PTPRM: variants seen among roughly 807,000 people sequenced by gnomAD.
PTPRM encodes the protein receptor-type tyrosine-protein phosphatase mu.
PTPRM carries 47 observed loss-of-function variants against 186.7 expected under a neutral mutation model. The ratio of observed to expected loss-of-function variants is 0.25; its 90% CI spans 0.20 to 0.32. The LOEUF is 0.32. PTPRM is among the 10% of genes least tolerant of loss of function. The pLI, the probability that PTPRM is intolerant of heterozygous loss-of-function variation, is 1.00. For missense variants in PTPRM, 1,494 were observed against 1,865.0 expected (o/e 0.80, Z 3.66); for synonymous variants, 668 against 674.9 (o/e 0.99, Z 0.16).
Position 7,672,639 on chromosome 18 carries a change from AG to A in PTPRM, c.74-101507del, listed in dbSNP as rs374104041. Among the ~76,000 whole-genome samples the A allele has an allele frequency of 5.3e-5, 8 of 152,330 alleles. No homozygotes were observed. In the East Asian group the frequency reaches 1.5e-3, roughly 29 times the overall value. The stretch of plus-strand genomic sequence containing the variant: ...CTTACATAGTCCTCTAATTTGAGGC[AG>A]GGTATAGTTTTCTCAAGGAGTCAGG... On this transcript the variant is annotated intron_variant, in intron 1 of 32. Coordinates refer to ENST00000580170, the MANE Select transcript of PTPRM (RefSeq NM_001105244.2).
chr18:8,113,159 C>T (rs1018043691), intron 11 of PTPRM, among the ~76,000 whole-genome samples: 1 of 152,096 alleles, frequency 6.6e-6, no homozygotes, highest in Non-Finnish European at 1.5e-5. Flanking sequence ...GTAAAATCAT[C>T]GTCAGTTACA....
intron 1 of PTPRM, among the ~76,000 whole-genome samples, chr18:7,579,861 C>A (rs1265945763): frequency 6.6e-6 from 1 of 152,166 alleles, no homozygotes; most frequent in East Asian, 1.9e-4. Context: ...GTCTTAGGTG[C>A]CCCATAAGGA....
intron 7 of PTPRM, among the ~76,000 whole-genome samples, chr18:8,009,531 G>C (rs139713808): frequency 2.6e-5 from 4 of 152,036 alleles, no homozygotes; most frequent in African/African-American, 7.2e-5. Context: ...AATGTGGTGA[G>C]ACCCCGTCTC....
chr18:7,685,042 T>C (rs565837718), intron 1 of PTPRM, among the ~76,000 whole-genome samples: 3 of 152,294 alleles, frequency 2.0e-5, no homozygotes, highest in African/African-American at 7.2e-5. Flanking sequence ...GGCAAAATCA[T>C]GTTATGATCA....
At chr18:8,022,097 G>A (rs1352161861) in intron 7 of PTPRM, among the ~76,000 whole-genome samples, 1 of 152,128 alleles carries the variant, frequency 6.6e-6, no homozygotes, top group Non-Finnish European at 1.5e-5. Flanking sequence ...ACTGGTCTAG[G>A]ACTTGGAAGC....
intron 2 of PTPRM, among the ~76,000 whole-genome samples, chr18:7,882,866 T>C (rs1224655481): frequency 3.9e-5 from 6 of 152,200 alleles, no homozygotes; most frequent in Admixed American, 1.3e-4. Flanking sequence ...TGTGCAGTTA[T>C]TACTGCTGTC....
intron 2 of PTPRM, among the ~76,000 whole-genome samples, chr18:7,782,485 A>G (rs897739058): frequency 6.6e-6 from 1 of 152,230 alleles, no homozygotes; most frequent in Non-Finnish European, 1.5e-5. Context: ...TGTACAGTTC[A>G]GTGCATTATA....
At chr18:7,680,755 A>G (rs1267319744) in intron 1 of PTPRM, among the ~76,000 whole-genome samples, 1 of 152,196 alleles carries the variant, frequency 6.6e-6, no homozygotes, top group Admixed American at 6.5e-5. Flanking sequence ...TGGTGAAAGT[A>G]CTTTATGAAC....
At chr18:8,272,291 TA>T (rs1555834337) in intron 19 of PTPRM, among the ~76,000 whole-genome samples, 2 of 151,994 alleles carry the variant, frequency 1.3e-5, no homozygotes, top group Non-Finnish European at 2.9e-5. Context: ...TTACATTTTT[TA>T]AAAATTTCTT....
chr18:8,290,662 G>A (rs56406325), intron 19 of PTPRM, among the ~76,000 whole-genome samples: 8,946 of 152,180 alleles, frequency 0.059, 353 homozygotes, highest in African/African-American at 0.11. Context: ...GAAGTCATTG[G>A]TATTCACTGG....
intron 22 of PTPRM, among the ~76,000 whole-genome samples, chr18:8,329,485 T>C (rs2095399370): frequency 6.6e-6 from 1 of 152,200 alleles, no homozygotes; most frequent in Non-Finnish European, 1.5e-5. Flanking sequence ...AGGTTACATC[T>C]TTCTCTCAGG....
intron 7 of PTPRM, among the ~76,000 whole-genome samples, chr18:8,055,631 TTTC>T (rs551379826): frequency 2.3e-3 from 348 of 151,624 alleles, no homozygotes; most frequent in Non-Finnish European, 4.0e-3. Flanking sequence ...GAATCTGTTG[TTTC>T]TTATCTCTTT....
intron 14 of PTPRM, among the ~76,000 whole-genome samples, chr18:8,188,347 A>T (rs1450671706): frequency 6.6e-6 from 1 of 152,272 alleles, no homozygotes; most frequent in Non-Finnish European, 1.5e-5. Context: ...ATTTTGCTGC[A>T]TTCTGCAGTA....
chr18:8,376,293 G>C, intron 25 of PTPRM, 93 bp downstream of exon 25: 2 of 1,545,996 alleles, frequency 1.3e-6, no homozygotes, highest in Non-Finnish European at 8.8e-7. Flanking sequence ...TAGAACTTCA[G>C]AGGGGTGATG....
chr18:8,184,116 CAGA>C (rs147678916), intron 14 of PTPRM, among the ~76,000 whole-genome samples: 4,940 of 152,280 alleles, frequency 0.032, 243 homozygotes, highest in African/African-American at 0.11. Context: ...CCACCCTAAC[CAGA>C]AGATCTTCTG....
rs1447934318 is a variant in PTPRM at position 7,568,503 on chromosome 18, C to G, written c.73+612C>G. ...GGAGAGGCTGGGGGGAGTTCCTCGCCGGTCCCAGCGGTAGGGCTTGGCGGC... is the reference window on the plus strand; with the variant it reads ...GGAGAGGCTGGGGGGAGTTCCTCGCGGGTCCCAGCGGTAGGGCTTGGCGGC... On this transcript the variant is annotated intron_variant, in intron 1 of 32. Transcript: ENST00000580170. This position sits in a 1 kb window ranked among gnomAD's most constrained non-coding sequence, Gnocchi z 5.1. Among the ~76,000 whole-genome samples the G allele has an allele frequency of 1.3e-5, 2 of 152,074 alleles. No homozygotes were observed. Among genetic ancestry groups the G allele is most frequent in the African/African-American group, 4.8e-5 (2 of 41,450 alleles).
chr18:8,117,377 A>G lies in PTPRM; in HGVS notation c.2167+2550A>G, dbSNP rs149910756. ...ACATTTTGAATGTACAAAGATTTCA[A>G]TGTTCTCCTGAAACAACTGTTGACA... On this transcript the variant is annotated intron_variant, in intron 13 of 32. Transcript: ENST00000580170. 4.8e-4 allele frequency among the ~76,000 whole-genome samples: 73 copies of G among 152,324 alleles called. No individual in the cohort carries two copies. The East Asian group carries it at 0.012, about 25-fold the overall frequency.
intron 19 of PTPRM, among the ~76,000 whole-genome samples, chr18:8,271,863 T>G (rs2094775515): frequency 6.6e-6 from 1 of 152,238 alleles, no homozygotes; most frequent in African/African-American, 2.4e-5. Flanking sequence ...TGCCTTCTTT[T>G]TTCCTTTAGC....
chr18:7,748,120 C>T (rs113295827), intron 1 of PTPRM, among the ~76,000 whole-genome samples: 140 of 152,272 alleles, frequency 9.2e-4, no homozygotes, highest in African/African-American at 3.3e-3. Flanking sequence ...GTAGGTGTGG[C>T]CAGGTGTGGG....
Sources: gnomAD v4.1 joint callset for allele counts (sites outside exome capture counted in the v4.1 genomes callset) on GRCh38, gnomAD v4.1.1 for gene constraint, Gnocchi (gnomAD v3.1) non-coding constraint, MANE v1.5 for transcripts, NCBI Gene and HGNC (gene_info 2026-07-23, HGNC 2026-07-21) for gene names.